IL1RAPL2: variants seen among roughly 807,000 people sequenced by gnomAD.
The protein encoded by IL1RAPL2 is interleukin 1 receptor accessory protein like 2, also known as X-linked interleukin-1 receptor accessory protein-like 2.
A neutral mutation model predicts 44.1 loss-of-function variants in IL1RAPL2; 3 were observed. The ratio of observed to expected loss-of-function variants is 0.07; its 90% confidence interval spans 0.03 to 0.18. The LOEUF (loss-of-function observed/expected upper bound fraction) is 0.18. Among genes scored for constraint, IL1RAPL2 ranks in the 10% least tolerant of loss-of-function variants. IL1RAPL2 has a pLI of 1.00. For missense variants in IL1RAPL2, 391 were observed against 496.4 expected, an observed-to-expected ratio of 0.79 and a Z score of 2.02; for synonymous variants, 181 against 178.8, an observed-to-expected ratio of 1.01 and a Z score of -0.10.
chrX:104,737,085 AT>A (rs1026821470), intron 2 of IL1RAPL2, among the ~76,000 whole-genome samples: 1 of 112,619 alleles, frequency 8.9e-6, no homozygotes, highest in African/African-American at 3.2e-5. Flanking sequence ...GAACCATTTT[AT>A]TTACTTCCCA....
intron 2 of IL1RAPL2, among the ~76,000 whole-genome samples, chrX:105,180,500 A>T (rs2033521012): frequency 8.9e-6 from 1 of 111,824 alleles, no homozygotes; most frequent in Admixed American, 9.4e-5. Flanking sequence ...TATTAATTTG[A>T]GATGTGTTCC....
At chrX:105,166,734 G>T (rs1325521474) in intron 2 of IL1RAPL2, among the ~76,000 whole-genome samples, 1 of 112,071 alleles carries the variant, frequency 8.9e-6, no homozygotes, top group Non-Finnish European at 1.9e-5. Context: ...TAGAGAATTT[G>T]CCAGATTGCA....
intron 5 of IL1RAPL2, among the ~76,000 whole-genome samples, chrX:105,269,469 G>A (rs1403090765): frequency 2.7e-5 from 3 of 110,722 alleles, no homozygotes; most frequent in Non-Finnish European, 5.7e-5. Flanking sequence ...TTACTTCTTA[G>A]TTTGATTTTG....
At chrX:104,676,224 G>C (rs772586635) in intron 2 of IL1RAPL2, among the ~76,000 whole-genome samples, 85 of 111,704 alleles carry the variant, frequency 7.6e-4, no homozygotes, top group South Asian at 4.2e-3. Flanking sequence ...GCATGATTTT[G>C]CAGTGGCTGG....
At chrX:104,968,201 G>A (rs930487014) in intron 2 of IL1RAPL2, among the ~76,000 whole-genome samples, 2 of 111,707 alleles carry the variant, frequency 1.8e-5, no homozygotes, top group African/African-American at 3.2e-5. Flanking sequence ...ACCAAGTTCA[G>A]TTTCACTGGA....
intron 6 of IL1RAPL2, among the ~76,000 whole-genome samples, chrX:105,485,203 A>G (rs1053600519): frequency 3.6e-5 from 4 of 111,807 alleles, no homozygotes; most frequent in Non-Finnish European, 7.5e-5. Context: ...CACTGAATAT[A>G]TGATTTGTTG....
At chrX:104,947,672 G>A (rs1925423654) in intron 2 of IL1RAPL2, among the ~76,000 whole-genome samples, 2 of 109,889 alleles carry the variant, frequency 1.8e-5, no homozygotes, top group Admixed American at 9.8e-5. Context: ...ATTAAATAGG[G>A]AATCCTTTCC....
intron 4 of IL1RAPL2, among the ~76,000 whole-genome samples, chrX:105,247,696 T>G (rs188589837): frequency 9.5e-6 from 1 of 105,424 alleles, no homozygotes; most frequent in Admixed American, 1.0e-4. Context: ...AGAGGTATAT[T>G]AATATAAAGT....
intron 2 of IL1RAPL2, among the ~76,000 whole-genome samples, chrX:104,725,265 C>T (rs5917131): frequency 0.38 from 41,515 of 110,671 alleles, 5,954 homozygotes; most frequent in East Asian, 0.47. Flanking sequence ...TGCCACATTT[C>T]CTTTATCCAG....
At chrX:105,290,891 T>C (rs1255972204) in intron 5 of IL1RAPL2, among the ~76,000 whole-genome samples, 1 of 111,163 alleles carries the variant, frequency 9.0e-6, no homozygotes, top group Non-Finnish European at 1.9e-5. Context: ...GTTCATGGAA[T>C]TTCACTTTTC....
chrX:105,029,297 A>T (rs1397181279), intron 2 of IL1RAPL2, among the ~76,000 whole-genome samples: 1 of 105,022 alleles, frequency 9.5e-6, no homozygotes, highest in African/African-American at 3.5e-5. Flanking sequence ...CATGTGCACA[A>T]TGTGCAGGTT....
chrX:105,589,328 G>T (rs1018125487), intron 6 of IL1RAPL2, among the ~76,000 whole-genome samples: 1 of 111,241 alleles, frequency 9.0e-6, no homozygotes, highest in African/African-American at 3.3e-5. Context: ...CTCCTATCCT[G>T]TAGGTTGTCT....
chrX:105,286,958 T>C (rs1223520853), intron 5 of IL1RAPL2, among the ~76,000 whole-genome samples: 2 of 111,953 alleles, frequency 1.8e-5, no homozygotes, highest in Non-Finnish European at 1.9e-5. Context: ...TTGAAAAATA[T>C]CTGTGCTCCT....
intron 1 of IL1RAPL2, among the ~76,000 whole-genome samples, chrX:104,599,057 T>C (rs1020684878): frequency 2.7e-5 from 3 of 111,450 alleles, no homozygotes; most frequent in African/African-American, 9.8e-5. Flanking sequence ...TTTTTGAGGA[T>C]AGTGATAGAA....
intron 1 of IL1RAPL2, among the ~76,000 whole-genome samples, chrX:104,629,574 CT>C (rs1929591683): frequency 8.9e-6 from 1 of 111,815 alleles, no homozygotes; most frequent in Admixed American, 9.5e-5. Flanking sequence ...GTTGCTTATA[CT>C]TTTGAGGTCT....
chrX:105,382,635 A>G (rs1283223112), intron 5 of IL1RAPL2, among the ~76,000 whole-genome samples: 5 of 105,723 alleles, frequency 4.7e-5, no homozygotes, highest in Admixed American at 3.0e-4. Context: ...TACCCAAAGG[A>G]TTATAAATCA....
chrX:105,287,462 T>C (rs1215544835), intron 5 of IL1RAPL2, among the ~76,000 whole-genome samples: 1 of 111,659 alleles, frequency 9.0e-6, no homozygotes, highest in East Asian at 2.9e-4. Flanking sequence ...TTCAAGATTT[T>C]CTCTTCATCT....
intron 5 of IL1RAPL2, among the ~76,000 whole-genome samples, chrX:105,387,638 A>G (rs1423517242): frequency 8.9e-6 from 1 of 111,732 alleles, no homozygotes; most frequent in Non-Finnish European, 1.9e-5. Flanking sequence ...TTACTATGAA[A>G]CATATAAAAT....
intron 5 of IL1RAPL2, among the ~76,000 whole-genome samples, chrX:105,467,602 C>T (rs763177015): frequency 8.2e-5 from 7 of 84,857 alleles, no homozygotes; most frequent in African/African-American, 2.8e-4. Flanking sequence ...GGTATAGTGA[C>T]TTCAAGAAGT....
Sources: gnomAD v4.1 joint callset for allele counts (sites outside exome capture counted in the v4.1 genomes callset) on GRCh38, gnomAD v4.1.1 for gene constraint, MANE v1.5 for transcripts, NCBI Gene and HGNC (gene_info 2026-07-23, HGNC 2026-07-21) for gene names.